Variants in CCDC83 observed in about 807,000 individuals in gnomAD.
CCDC83 encodes coiled-coil domain-containing protein 83.
Under a neutral mutation model 50.1 loss-of-function variants are expected in CCDC83, and 54 were observed. That is an observed-to-expected ratio of 1.08 (90% confidence interval 0.87 to 1.35). The LOEUF is 1.35. Among genes scored for constraint, CCDC83 ranks in the 40% most tolerant of loss-of-function variants. The probability of loss-of-function intolerance (pLI) is 0.00; values close to 1 mark genes in which losing one functional copy is unlikely to be tolerated. For missense variants in CCDC83, 518 were observed against 473.9 expected, an observed-to-expected ratio of 1.09 and a Z score of -0.86; for synonymous variants, 161 against 153.3, an observed-to-expected ratio of 1.05 and a Z score of -0.37.
intron 3 of CCDC83, among the ~76,000 whole-genome samples, chr11:85,882,213 G>GTTTA (rs1181469955): frequency 1.3e-5 from 2 of 152,064 alleles, no homozygotes; most frequent in Admixed American, 1.3e-4. Flanking sequence ...TTTTCATTTA[G>GTTTA]TTTACAATCT....
chr11:85,912,737 T>TAGAA (rs1437695435), intron 8 of CCDC83: 3 of 1,592,302 alleles, frequency 1.9e-6, no homozygotes, highest in Non-Finnish European at 2.6e-6. Flanking sequence ...TGCCAGGCGT[T>TAGAA]GCTGGTATGT....
intron 5 of CCDC83, among the ~76,000 whole-genome samples, chr11:85,894,963 A>T (rs2093365906): frequency 6.6e-6 from 1 of 152,156 alleles, no homozygotes; most frequent in Non-Finnish European, 1.5e-5. Flanking sequence ...GAGGACAGAG[A>T]ATCCTGTGCT....
chr11:85,900,106 A>G (rs997707807), intron 7 of CCDC83, among the ~76,000 whole-genome samples: 3 of 152,298 alleles, frequency 2.0e-5, no homozygotes, highest in Non-Finnish European at 4.4e-5. Context: ...GCAAAACTCA[A>G]TGTTTTTGGA....
At chr11:85,895,663 A>T (rs2093371059) in intron 6 of CCDC83, among the ~76,000 whole-genome samples, 1 of 152,220 alleles carries the variant, frequency 6.6e-6, no homozygotes, top group Admixed American at 6.5e-5. Context: ...TACTGGCTGT[A>T]TAATGAATTT....
At chr11:85,870,062 G>T (rs940811143) in intron 2 of CCDC83, among the ~76,000 whole-genome samples, 3 of 152,228 alleles carry the variant, frequency 2.0e-5, no homozygotes, top group Non-Finnish European at 4.4e-5. Flanking sequence ...GAGGCCATTT[G>T]CTCCTAAATG....
intron 3 of CCDC83, 119 bp from the exon 4 acceptor site, chr11:85,882,394 C>A (rs1293770320): frequency 3.4e-6 from 3 of 871,620 alleles, no homozygotes; most frequent in Non-Finnish European, 5.4e-6. Flanking sequence ...AAGTAGAAGT[C>A]CAGGCTTCCC....
intron 2 of CCDC83, among the ~76,000 whole-genome samples, chr11:85,872,077 C>T (rs2093240837): frequency 6.6e-6 from 1 of 152,114 alleles, no homozygotes; most frequent in African/African-American, 2.4e-5. Flanking sequence ...CTCAGCCTCC[C>T]GAGTAGCTAG....
intron 1 of CCDC83, among the ~76,000 whole-genome samples, chr11:85,863,421 A>G (rs2153682097): frequency 6.6e-6 from 1 of 152,338 alleles, no homozygotes; most frequent in South Asian, 2.1e-4. Flanking sequence ...ATACTTTCAT[A>G]TTTGAGAAGA....
chr11:85,910,713 A>G (rs984389513), intron 7 of CCDC83, among the ~76,000 whole-genome samples: 1 of 152,226 alleles, frequency 6.6e-6, no homozygotes, highest in Non-Finnish European at 1.5e-5. Context: ...CTATTCTATC[A>G]TAACTGCCTA....
intron 7 of CCDC83, among the ~76,000 whole-genome samples, chr11:85,900,107 T>C (rs1030019411): frequency 6.6e-6 from 1 of 152,166 alleles, no homozygotes; most frequent in Non-Finnish European, 1.5e-5. Flanking sequence ...CAAAACTCAA[T>C]GTTTTTGGAA....
At chr11:85,917,152 GAGAGAGA>G (rs2093481422) in intron 10 of CCDC83, among the ~76,000 whole-genome samples, 1 of 96,010 alleles carries the variant, frequency 1.0e-5, no homozygotes, top group African/African-American at 4.1e-5. Context: ...GAGAGAGAGA[GAGAGAGA>G]GAGAGAGAGA....
intron 10 of CCDC83, among the ~76,000 whole-genome samples, chr11:85,918,942 T>G (rs1302136612): frequency 1.3e-5 from 2 of 152,234 alleles, no homozygotes; most frequent in African/African-American, 2.4e-5. Context: ...GCAAAGGCAG[T>G]TGCTTACATG....
intron 4 of CCDC83, 83 bp from the exon 5 acceptor site, chr11:85,886,117 G>A: frequency 9.3e-7 from 1 of 1,070,708 alleles, no homozygotes; most frequent in South Asian, 2.4e-5. Context: ...TTTAATATCA[G>A]ATCTTAACTT....
At chr11:85,906,019 T>C (rs1417906284) in intron 7 of CCDC83, among the ~76,000 whole-genome samples, 1 of 150,270 alleles carries the variant, frequency 6.7e-6, no homozygotes, top group Non-Finnish European at 1.5e-5. Flanking sequence ...TTACTTCTTA[T>C]ACATTTATTA....
intron 3 of CCDC83, among the ~76,000 whole-genome samples, 161 bp downstream of exon 3, chr11:85,873,456 C>A (rs2093251573): frequency 6.6e-6 from 1 of 152,162 alleles, no homozygotes; most frequent in East Asian, 1.9e-4. Flanking sequence ...ACATGTGAGG[C>A]AGAAGGATAC....
At chr11:85,900,212 T>G (rs913304497) in intron 7 of CCDC83, among the ~76,000 whole-genome samples, 2 of 152,186 alleles carry the variant, frequency 1.3e-5, no homozygotes, top group Non-Finnish European at 2.9e-5. Context: ...ATGATCTGAA[T>G]AGGGAGCATC....
intron 7 of CCDC83, among the ~76,000 whole-genome samples, chr11:85,904,358 T>C (rs569591020): frequency 4.6e-5 from 7 of 152,288 alleles, no homozygotes; most frequent in East Asian, 3.9e-4. Context: ...TAGCAGGTAA[T>C]AGAGAGTCAT....
At chr11:85,919,036 A>C (rs975284373) in intron 10 of CCDC83, among the ~76,000 whole-genome samples, 1 of 152,176 alleles carries the variant, frequency 6.6e-6, no homozygotes, top group Admixed American at 6.5e-5. Flanking sequence ...GACTATAGTT[A>C]GTTTTGCACT....
intron 2 of CCDC83, among the ~76,000 whole-genome samples, chr11:85,868,151 A>G (rs950138412): frequency 6.6e-6 from 1 of 152,212 alleles, no homozygotes; most frequent in African/African-American, 2.4e-5. Flanking sequence ...AAAGTCATGA[A>G]CTTCTATGGT....
Sources: gnomAD v4.1 joint callset for allele counts (sites outside exome capture counted in the v4.1 genomes callset) on GRCh38, gnomAD v4.1.1 for gene constraint, MANE v1.5 for transcripts, NCBI Gene and HGNC (gene_info 2026-07-23, HGNC 2026-07-21) for gene names.